The following LACTB2 variants were observed in gnomAD, a reference collection of about 807,000 sequenced individuals.
LACTB2 encodes endoribonuclease LACTB2.
A neutral mutation model predicts 34.8 loss-of-function variants in LACTB2; 32 were observed. The ratio of observed to expected loss-of-function variants is 0.92; its 90% CI spans 0.69 to 1.24. The LOEUF is 1.24. Ranked by LOEUF, LACTB2 falls within the 50% of genes most tolerant of loss-of-function variation. The probability of loss-of-function intolerance (pLI) is 0.00; values close to 1 mark genes in which losing one functional copy is unlikely to be tolerated. For synonymous variants in LACTB2, 120 were observed against 117.5 expected (o/e 1.02, Z -0.14); for missense variants, 320 against 345.0 (o/e 0.93, Z 0.57).
At chr8:70,656,544 A>C (rs1440695543) in intron 3 of LACTB2, among the ~76,000 whole-genome samples, 2 of 152,030 alleles carry the variant, frequency 1.3e-5, no homozygotes, top group African/African-American at 4.8e-5. Context: ...GGTGTATGTG[A>C]CTATTTTATA....
intron 1 of LACTB2, among the ~76,000 whole-genome samples, chr8:70,668,508 G>A (rs1818567656): frequency 6.6e-6 from 1 of 152,224 alleles, no homozygotes; most frequent in Non-Finnish European, 1.5e-5. Context: ...ACAGGCTGCA[G>A]AGAACCAATT....
intron 1 of LACTB2, among the ~76,000 whole-genome samples, chr8:70,667,193 G>A (rs999837457): frequency 6.6e-6 from 1 of 152,206 alleles, no homozygotes; most frequent in East Asian, 1.9e-4. Flanking sequence ...AGAATGTGGT[G>A]TTGGCAAATT....
chr8:70,657,838 C>T lies in LACTB2; in HGVS notation c.331G>A (p.Glu111Lys). Residue 111 changes from glutamate (E) to lysine (K), a missense_variant, in exon 3 of 7, where the codon GAA becomes AAA. Coordinates refer to ENST00000276590, the MANE Select transcript of LACTB2 (RefSeq NM_016027.3). ...IKKLPRNPQREEIIGNGEQQY... is the reference protein window; with the variant it reads ...IKKLPRNPQRKEIIGNGEQQY... ...TGCTCTCCATTTCCTATAATTTCTT[C>T]TCTCTGAGGATTCCGTGGGAGTTTT... The T allele has an allele frequency of 6.2e-7, 1 of 1,610,486 alleles. No individual in the cohort carries two copies. Among genetic ancestry groups the T allele is most frequent in the East Asian group, 2.2e-5 (1 of 44,828 alleles).
intron 3 of LACTB2, among the ~76,000 whole-genome samples, chr8:70,651,128 A>C (rs1250233083): frequency 6.6e-6 from 1 of 152,140 alleles, no homozygotes; most frequent in East Asian, 1.9e-4. Flanking sequence ...TAAATATTGA[A>C]ACTGTAAAGA....
intron 2 of LACTB2, chr8:70,660,537 A>G: frequency 2.2e-6 from 1 of 447,272 alleles, no homozygotes; most frequent in Non-Finnish European, 4.5e-6. Context: ...GTTTAAAAAT[A>G]CTAGCTCAAT....
chr8:70,642,987 AAT>A (rs1818218496), intron 4 of LACTB2, among the ~76,000 whole-genome samples: 1 of 152,230 alleles, frequency 6.6e-6, no homozygotes, highest in African/African-American at 2.4e-5. Context: ...ACACAGCTAA[AAT>A]GTGGTCCAAA....
rs939490027 is a variant in LACTB2, at chr8:70,637,376, A to G, written c.*484T>C. On this transcript the variant is annotated 3_prime_UTR_variant, in exon 7 of 7. Transcript: ENST00000276590. ...CACATGATACAGAGTTATGGAACCAATAGATAGTCATGATATAGTTGATAG... is the reference window on the plus strand; with the variant it reads ...CACATGATACAGAGTTATGGAACCAGTAGATAGTCATGATATAGTTGATAG... 1 of 152,220 alleles carries G rather than the reference A, an allele frequency of 6.6e-6. No individual in the cohort carries two copies. The highest frequency in any genetic ancestry group is 2.4e-5 in the African/African-American group (1 of 41,462). 9.4% of individuals were successfully genotyped at this position (152,220 alleles called of 1,614,324 possible). A position where few individuals can be genotyped will look rare whatever the true frequency, so the allele number is the denominator to read the frequency against.
At position 70,637,723 on chromosome 8, in the gene LACTB2, T is replaced by C. The variant is rs564401642; in HGVS notation, c.*137A>G. The C allele has an allele frequency of 1.0e-4, 46 of 459,290 alleles. 1 individual carries two copies. The South Asian group carries it at 2.9e-3, about 29-fold the overall frequency. 28.5% of individuals were successfully genotyped at this position (459,290 alleles called of 1,614,324 possible). A position where few individuals can be genotyped will look rare whatever the true frequency, so the allele number is the denominator to read the frequency against. On this transcript the variant is annotated 3_prime_UTR_variant, in exon 7 of 7. Transcript: ENST00000276590. ...TGTAATTTACATATTTTAGCATAAA[T>C]ATAACATTATTTTAAAGTATATCTA...
At chr8:70,664,274 C>T (rs982089087) in intron 1 of LACTB2, among the ~76,000 whole-genome samples, 6 of 152,216 alleles carry the variant, frequency 3.9e-5, no homozygotes, top group Non-Finnish European at 8.8e-5. Context: ...TCCCAAGAAA[C>T]TCTGTTTTGA....
chr8:70,668,973 T>C (rs759523465), intron 1 of LACTB2, 26 bp downstream of exon 1: 26 of 1,565,064 alleles, frequency 1.7e-5, no homozygotes, highest in Non-Finnish European at 2.3e-5. Flanking sequence ...CTGCGAACGT[T>C]GGGGAGGTTG....
intron 1 of LACTB2, among the ~76,000 whole-genome samples, chr8:70,666,622 G>A (rs1409294314): frequency 6.6e-6 from 1 of 152,178 alleles, no homozygotes; most frequent in Non-Finnish European, 1.5e-5. Flanking sequence ...AGGGAAGATT[G>A]GATTGAAGAG....
At chr8:70,639,593 C>T (rs1818170256) in intron 5 of LACTB2, among the ~76,000 whole-genome samples, 1 of 152,154 alleles carries the variant, frequency 6.6e-6, no homozygotes, top group African/African-American at 2.4e-5. Flanking sequence ...ATGCTACAGA[C>T]AGTTGGCCCT....
At chr8:70,638,251 C>T (rs1213993542) in intron 6 of LACTB2, among the ~76,000 whole-genome samples, 3 of 152,172 alleles carry the variant, frequency 2.0e-5, no homozygotes, top group Non-Finnish European at 4.4e-5. Flanking sequence ...TGAAATTCTT[C>T]GTGGTTTTTG....
At chr8:70,648,473 A>AGT (rs1563404359) in intron 3 of LACTB2, among the ~76,000 whole-genome samples, 3 of 152,220 alleles carry the variant, frequency 2.0e-5, no homozygotes, top group Non-Finnish European at 4.4e-5. Flanking sequence ...GAAAATTACA[A>AGT]ATCTGAGAAC....
At chr8:70,643,045 C>T (rs1357905276) in intron 4 of LACTB2, among the ~76,000 whole-genome samples, 2 of 151,942 alleles carry the variant, frequency 1.3e-5, no homozygotes, top group Non-Finnish European at 2.9e-5. Context: ...GGAATGAAAA[C>T]ATTTTCCCAT....
chr8:70,652,299 G>T (rs935425218), intron 3 of LACTB2, among the ~76,000 whole-genome samples: 3 of 151,944 alleles, frequency 2.0e-5, no homozygotes, highest in Non-Finnish European at 2.9e-5. Flanking sequence ...TCACTAGCTA[G>T]CTTAACAAAG....
At chr8:70,668,855 A>C in intron 1 of LACTB2, 144 bp downstream of exon 1, 1 of 1,042,228 alleles carries the variant, frequency 9.6e-7, no homozygotes, top group Admixed American at 3.1e-5. Flanking sequence ...GTCTGCGTGC[A>C]GTCCCGACGG....
chr8:70,640,753 C>CCAGTTTTGTTTAATT (rs1818186021), intron 5 of LACTB2, 149 bp downstream of exon 5: 4 of 899,720 alleles, frequency 4.4e-6, no homozygotes, highest in East Asian at 3.5e-5. Flanking sequence ...TTAATTTTAG[C>CCAGTTTTGTTTAATT]ACTGTAGAAA....
At chr8:70,667,740 T>C (rs1407874385) in intron 1 of LACTB2, among the ~76,000 whole-genome samples, 1 of 152,246 alleles carries the variant, frequency 6.6e-6, no homozygotes. Flanking sequence ...ATCAGCCATC[T>C]GTTTCAACGC....
Sources: gnomAD v4.1 joint callset for allele counts (sites outside exome capture counted in the v4.1 genomes callset) on GRCh38, gnomAD v4.1.1 for gene constraint, MANE v1.5 for transcripts, NCBI Gene and HGNC (gene_info 2026-07-23, HGNC 2026-07-21) for gene names.